Variants in ZNF638 observed in about 807,000 individuals in gnomAD.
The protein encoded by ZNF638 is CTCL tumor antigen se33-1.
Under a neutral mutation model 195.6 loss-of-function variants are expected in ZNF638, and 46 were observed. The ratio of observed to expected loss-of-function variants is 0.24; its 90% confidence interval spans 0.19 to 0.30. The LOEUF (loss-of-function observed/expected upper bound fraction) is 0.30. Ranked by LOEUF, ZNF638 falls within the 10% of genes least tolerant of loss-of-function variation. The pLI is 1.00. For synonymous variants in ZNF638, 845 were observed against 772.0 expected (o/e 1.09, Z -1.57); for missense variants, 2,440 against 2,325.3 (o/e 1.05, Z -1.01).
At position 71,349,380 on chromosome 2, in the gene ZNF638, T is replaced by C; in HGVS notation, c.426T>C (p.Ser142=). The C allele has an allele frequency of 6.2e-7, 1 of 1,614,168 alleles. No homozygotes were observed. Among genetic ancestry groups the C allele is most frequent in the Non-Finnish European group, 8.5e-7 (1 of 1,180,038 alleles). ...QSRYTKESAS[S]ILASFGLSNE... ...GCTATACAAAAGAGAGTGCCTCAAG[T>C]ATCTTAGCAAGTTTTGGATTATCTA... Residue 142 remains serine (S), a synonymous_variant, in exon 2 of 28, where the codon AGT becomes AGC. Coordinates refer to ENST00000264447, the MANE Select transcript of ZNF638 (RefSeq NM_014497.5).
chr2:71,376,636 A>G (rs1156443983), intron 8 of ZNF638, among the ~76,000 whole-genome samples: 1 of 152,168 alleles, frequency 6.6e-6, no homozygotes, highest in Non-Finnish European at 1.5e-5. Flanking sequence ...TCATGTTAGG[A>G]CTGCCTCTAA....
At position 71,427,089 on chromosome 2, in the gene ZNF638, A is replaced by G. The variant is rs574802123; in HGVS notation, c.5220A>G (p.Gln1740=). The G allele has an allele frequency of 2.2e-5, 36 of 1,614,204 alleles. 1 individual carries two copies. The highest frequency in any genetic ancestry group is 3.3e-4 in the Middle Eastern group (2 of 6,060). The part of the protein sequence containing the change: ...PSTLVTVDEI[Q]DDSSDLHLVT... ...CTTTAGTTACTGTAGATGAAATACA[A>G]GATGACAGCAGTGATTTGCATTTAG... The change falls in exon 24 of 28, where the codon CAA becomes CAG. Residue 1740 remains glutamine (Q), a synonymous_variant. Coordinates refer to ENST00000264447, the MANE Select transcript of ZNF638 (RefSeq NM_014497.5).
intron 1 of ZNF638, among the ~76,000 whole-genome samples, chr2:71,339,531 G>T (rs1294896307): frequency 1.3e-5 from 2 of 152,286 alleles, no homozygotes; most frequent in East Asian, 3.9e-4. Flanking sequence ...ACTCCATGAA[G>T]AAAAGCAAAT....
intron 11 of ZNF638, among the ~76,000 whole-genome samples, chr2:71,396,687 A>G (rs2079900806): frequency 6.6e-6 from 1 of 152,190 alleles, no homozygotes; most frequent in African/African-American, 2.4e-5. Context: ...GCTCACGCCT[A>G]TAATCCCATC....
At position 71,391,500 on chromosome 2, in the gene ZNF638, T is replaced by C. The variant is rs1316984244; in HGVS notation, c.2378-4641T>C. On this transcript the variant is annotated intron_variant, in intron 10 of 27. Transcript: ENST00000264447. ...ATTGCAAGATTATTCATTTTGTAGA[T>C]GATATTTTACTAGCAGACCCAACAG... Among the ~76,000 whole-genome samples, 3 of 152,340 alleles carry C rather than the reference T, an allele frequency of 2.0e-5. No homozygotes were observed. In the East Asian group the frequency reaches 5.8e-4, roughly 29 times the overall value.
At chr2:71,363,850 G>C (rs1005714776) in intron 4 of ZNF638, 104 bp from the exon 5 acceptor site, 24 of 1,337,954 alleles carry the variant, frequency 1.8e-5, no homozygotes, top group Non-Finnish European at 2.4e-5. Flanking sequence ...TGAGAGTTTG[G>C]TATTGTTAAC....
At position 71,423,701 on chromosome 2, in the gene ZNF638, C is replaced by G; in HGVS notation, c.4187C>G (p.Ala1396Gly). The G allele has an allele frequency of 6.2e-7, 1 of 1,613,846 alleles. No individual in the cohort carries two copies. The highest frequency in any genetic ancestry group is 1.1e-5 in the South Asian group (1 of 91,084). Residue 1396 changes from alanine to glycine, a missense_variant, in exon 22 of 28, where the codon GCT (alanine) becomes GGT (glycine). Transcript: ENST00000264447. ...DVSSSKPSIK[A>G]VIVSSPKAKA... ...TCTAGCAGTAAACCAAGCATCAAGG[C>G]TGTTATAGTCTCTTCTCCTAAGGCA... is the stretch of plus-strand genomic sequence containing the variant.
chr2:71,351,474 T>C (rs1171253506), intron 2 of ZNF638, among the ~76,000 whole-genome samples: 1 of 152,230 alleles, frequency 6.6e-6, no homozygotes, highest in Admixed American at 6.5e-5. Flanking sequence ...TATCACCTAA[T>C]TGTAATCTGT....
chr2:71,370,223 C>G (rs1247916555), intron 8 of ZNF638, among the ~76,000 whole-genome samples: 1 of 152,114 alleles, frequency 6.6e-6, no homozygotes, highest in African/African-American at 2.4e-5. Flanking sequence ...AAAATACTTG[C>G]CATATATAAC....
intron 1 of ZNF638, among the ~76,000 whole-genome samples, chr2:71,335,877 A>T (rs1416500367): frequency 6.6e-6 from 1 of 152,178 alleles, no homozygotes; most frequent in Non-Finnish European, 1.5e-5. Flanking sequence ...TATGTGGTAA[A>T]GGTTGTTGGA....
chr2:71,404,081 C>T, intron 17 of ZNF638, 83 bp downstream of exon 17: 1 of 1,379,552 alleles, frequency 7.2e-7, no homozygotes, highest in Non-Finnish European at 9.8e-7. Context: ...TCTAGTTTTC[C>T]ACTTTGGTTC....
At chr2:71,392,992 G>C (rs889968921) in intron 10 of ZNF638, among the ~76,000 whole-genome samples, 1 of 152,236 alleles carries the variant, frequency 6.6e-6, no homozygotes, top group East Asian at 1.9e-4. Context: ...TGCGTTTATG[G>C]GGTGGCCCAC....
At chr2:71,422,316 G>T (rs1008547637) in intron 21 of ZNF638, among the ~76,000 whole-genome samples, 1 of 151,870 alleles carries the variant, frequency 6.6e-6, no homozygotes, top group Non-Finnish European at 1.5e-5. Context: ...AAATAAAAAG[G>T]TGATATGATT....
In ZNF638 at chr2:71,350,310, T is replaced by A. The variant is rs751673834; in HGVS notation, c.1317+39T>A. ...AAAAAAGATCACTGTATAATGATGC[T>A]CAGCGCCAGTTTTCTCTAAATTCTG... On this transcript the variant is annotated intron_variant, in intron 2 of 27. Transcript: ENST00000264447. 3.2e-6 allele frequency: 5 copies of A among 1,560,176 alleles called. No individual in the cohort carries two copies. In the African/African-American group the frequency reaches 6.8e-5, roughly 21 times the overall value.
At chr2:71,400,382 A>G in intron 14 of ZNF638, 96 bp from the exon 15 acceptor site, 2 of 1,242,072 alleles carry the variant, frequency 1.6e-6, no homozygotes, top group Non-Finnish European at 2.3e-6. Context: ...TTGTTGTATT[A>G]CACGTTTTCA....
intron 8 of ZNF638, among the ~76,000 whole-genome samples, chr2:71,377,154 G>T (rs973584612): frequency 2.0e-5 from 3 of 152,074 alleles, no homozygotes; most frequent in Admixed American, 2.0e-4. Flanking sequence ...GCACCCAGCT[G>T]CTGGGTAGGG....
At chr2:71,338,077 C>T (rs2078701833) in intron 1 of ZNF638, among the ~76,000 whole-genome samples, 1 of 152,086 alleles carries the variant, frequency 6.6e-6, no homozygotes, top group South Asian at 2.1e-4. Flanking sequence ...TTTCCATTTG[C>T]CCTTCATGCA....
At chr2:71,385,609 A>C (rs1328185464) in intron 10 of ZNF638, among the ~76,000 whole-genome samples, 1 of 152,176 alleles carries the variant, frequency 6.6e-6, no homozygotes, top group African/African-American at 2.4e-5. Flanking sequence ...CCTATGATAA[A>C]ATTTCAGAGC....
chr2:71,332,692 A>G (rs2078594073), intron 1 of ZNF638: 1 of 152,246 alleles, frequency 6.6e-6, no homozygotes. Flanking sequence ...GGAATCCTTG[A>G]GAACGTTTGA....
Sources: allele counts gnomAD v4.1 joint callset (sites outside exome capture counted in the v4.1 genomes callset), GRCh38; gene constraint gnomAD v4.1.1; transcripts MANE v1.5; gene names NCBI Gene and HGNC (gene_info 2026-07-23, HGNC 2026-07-21).